ARID1A: variants seen among roughly 807,000 people sequenced by gnomAD.
ARID1A encodes AT-rich interactive domain-containing protein 1A.
Under a neutral mutation model 212.6 loss-of-function variants are expected in ARID1A, and 20 were observed. That is an observed-to-expected ratio of 0.09 (90% CI 0.07 to 0.14). ARID1A has a LOEUF of 0.14. Among genes scored for constraint, ARID1A ranks in the 10% least tolerant of loss-of-function variants. The probability of loss-of-function intolerance (pLI) is 1.00; values close to 1 mark genes in which losing one functional copy is unlikely to be tolerated. For synonymous variants in ARID1A, 1,376 were observed against 1,222.1 expected, an observed-to-expected ratio of 1.13 and a Z score of -2.63; for missense variants, 2,587 against 3,059.0, an observed-to-expected ratio of 0.85 and a Z score of 3.64.
chr1:26,720,654 G>A (rs1472557477), intron 1 of ARID1A, among the ~76,000 whole-genome samples: 2 of 152,098 alleles, frequency 1.3e-5, no homozygotes, highest in Non-Finnish European at 2.9e-5. Flanking sequence ...GAAGCTGGCA[G>A]ATCACTTGAG....
At chr1:26,716,029 AC>A (rs1157812643) in intron 1 of ARID1A, among the ~76,000 whole-genome samples, 4 of 151,770 alleles carry the variant, frequency 2.6e-5, no homozygotes, top group Non-Finnish European at 5.9e-5. Flanking sequence ...ACATGGTGAA[AC>A]CCCATCTCTA....
chr1:26,728,747 C>A (rs1169563922), intron 1 of ARID1A, among the ~76,000 whole-genome samples: 1 of 152,130 alleles, frequency 6.6e-6, no homozygotes, highest in East Asian at 1.9e-4. Context: ...GAGAAACTTC[C>A]CCCTCCCCGC....
In ARID1A at chr1:26,775,026, C is replaced by T. The variant is rs2124122542; in HGVS notation, c.4799C>T (p.Ser1600Phe). ...PLPRPMENRT[S>F]PSKSPFLHSG... ...CCCCGGCCAATGGAGAACCGCACCT[C>T]TCCTAGCAAGTCTCCATTCCTGCAC... The change falls in exon 18 of 20, where the codon TCT becomes TTT. Residue 1600 changes from serine (S) to phenylalanine (F), a missense_variant. Coordinates refer to ENST00000324856, the MANE Select transcript of ARID1A (RefSeq NM_006015.6). 1 of 1,607,590 alleles carries T rather than the reference C, an allele frequency of 6.2e-7. No homozygotes were observed. Among genetic ancestry groups the T allele is most frequent in the Non-Finnish European group, 8.5e-7 (1 of 1,176,770 alleles).
At position 26,696,628 on chromosome 1, in the gene ARID1A, C is replaced by G. The variant is rs1420823262; in HGVS notation, c.225C>G (p.Asp75Glu). Residue 75 changes from aspartate (D) to glutamate (E), a missense_variant, in exon 1 of 20, where the codon GAC (aspartate) becomes GAG (glutamate). Asp to Glu is a conservative substitution (Grantham distance 45). This residue lies in a region of ARID1A where 735 missense variants were observed against 590.6 expected (regional missense o/e 1.24). Transcript: ENST00000324856. ...PPQPLGKELQ[D>E]GAESNGGGGG... ...AGCCGCTGGGAAAGGAGCTGCAGGA[C>G]GGGGCCGAGAGCAATGGGGGTGGCG... 3 of 1,271,272 alleles carry G rather than the reference C, an allele frequency of 2.4e-6. No individual in the cohort carries two copies. Among genetic ancestry groups the G allele is most frequent in the Non-Finnish European group, 3.0e-6 (3 of 1,013,092 alleles). 78.7% of individuals were successfully genotyped at this position (1,271,272 alleles called of 1,614,324 possible). A position where few individuals can be genotyped will look rare whatever the true frequency, so the allele number is the denominator to read the frequency against.
At chr1:26,736,116 A>G (rs946434485) in intron 4 of ARID1A, among the ~76,000 whole-genome samples, 5 of 151,820 alleles carry the variant, frequency 3.3e-5, no homozygotes, top group African/African-American at 1.2e-4. Context: ...CGAGGTCAGG[A>G]GATCGAGACC....
chr1:26,696,090 C>T lies in ARID1A; in HGVS notation c.-314C>T, dbSNP rs1289967975. 2 of 479,030 alleles carry T rather than the reference C, an allele frequency of 4.2e-6. No homozygotes were observed. Among genetic ancestry groups the T allele is most frequent in the Non-Finnish European group, 5.7e-6 (2 of 347,984 alleles). The allele number at this position is 479,030 out of a possible 1,614,324, so 29.7% of individuals were successfully genotyped here. A position where few individuals can be genotyped will look rare whatever the true frequency, so the allele number is the denominator to read the frequency against. On this transcript the variant is annotated 5_prime_UTR_variant, in exon 1 of 20. Transcript: ENST00000324856. The stretch of plus-strand genomic sequence containing the variant: ...GGGGAGCGGAGCCTCCACCGCCCCC[C>T]TCATTCCCAGGCAAGGGCTTGGGGG...
At chr1:26,710,475 C>CAAAAAAT (rs2124762811) in intron 1 of ARID1A, among the ~76,000 whole-genome samples, 1 of 88,282 alleles carries the variant, frequency 1.1e-5, no homozygotes, top group Non-Finnish European at 2.1e-5. Context: ...GATGCCATCT[C>CAAAAAAT]AAAAAATAAA....
At chr1:26,713,023 G>C (rs1329336573) in intron 1 of ARID1A, among the ~76,000 whole-genome samples, 1 of 152,232 alleles carries the variant, frequency 6.6e-6, no homozygotes, top group Non-Finnish European at 1.5e-5. Context: ...AAGCGTAGCT[G>C]TGATCACTGG....
In ARID1A at chr1:26,764,351, C is replaced by CAGAGT. The variant is rs2081020233; in HGVS notation, c.2732+1069_2732+1073dup. ...TATTTTGATGTGCAAAATAAGTGTT[C>CAGAGT]AGAGTAGGTGGTTTAACTTCTATCA... is the stretch of plus-strand genomic sequence containing the variant. On this transcript the variant is annotated intron_variant, in intron 8 of 19. Transcript: ENST00000324856. The CAGAGT allele has an allele frequency of 1.3e-4, 20 of 150,710 alleles. No individual in the cohort carries two copies. In the South Asian group the frequency reaches 4.2e-3, roughly 32 times the overall value. 9.3% of individuals were successfully genotyped at this position (150,710 alleles called of 1,614,324 possible).
At position 26,730,832 on chromosome 1, in the gene ARID1A, C is replaced by T. The variant is rs2080668533; in HGVS notation, c.1351-320C>T. On this transcript the variant is annotated intron_variant, in intron 2 of 19. Coordinates refer to ENST00000324856, the MANE Select transcript of ARID1A (RefSeq NM_006015.6). ...TACAGATTCCTAACACTTATAAAAA[C>T]AGTCTAGGCCGTGATAAAAAGAGTT... 1.3e-5 allele frequency among the ~76,000 whole-genome samples: 2 copies of T among 152,188 alleles called. 1 individual carries two copies. Among genetic ancestry groups the T allele is most frequent in the South Asian group, 4.1e-4 (2 of 4,828 alleles).
chr1:26,770,106 G>C (rs1005613839), intron 11 of ARID1A: 8 of 152,254 alleles, frequency 5.3e-5, no homozygotes, highest in African/African-American at 1.9e-4. Flanking sequence ...CCCACTACTT[G>C]GGAGGCTAAG....
In ARID1A at chr1:26,761,361, ATGT is replaced by A. The variant is rs746124599; in HGVS notation, c.2162-18_2162-16del. 1 of 1,613,266 alleles carries A rather than the reference ATGT, an allele frequency of 6.2e-7. No homozygotes were observed. Among genetic ancestry groups the A allele is most frequent in the Non-Finnish European group, 8.5e-7 (1 of 1,179,240 alleles). ...TCCCAGGCTTAGCCATGATATGCTTATGTTGTTCTTTGTCTGGAGCAGGCAACC... is the reference window on the plus strand; with the variant it reads ...TCCCAGGCTTAGCCATGATATGCTTATGTTCTTTGTCTGGAGCAGGCAACC... On this transcript the variant is annotated intron_variant, in intron 5 of 19. Coordinates refer to ENST00000324856, the MANE Select transcript of ARID1A (RefSeq NM_006015.6).
rs775923229 is a variant in ARID1A, at chr1:26,779,242, G to C, written c.5344G>C (p.Val1782Leu). 3.7e-6 allele frequency: 6 copies of C among 1,614,148 alleles called. No homozygotes were observed. The highest frequency in any genetic ancestry group is 5.1e-6 in the Non-Finnish European group (6 of 1,179,996). The change falls in exon 20 of 20, where the codon GTT becomes CTT. Residue 1782 changes from valine (V) to leucine (L), a missense_variant. Coordinates refer to ENST00000324856, the MANE Select transcript of ARID1A (RefSeq NM_006015.6). ...AGAAGAGGAAGAAGAAGAGGAAGTAGTTGAAAATGATGAGGAGATAGCCTT... is the reference window on the plus strand; with the variant it reads ...AGAAGAGGAAGAAGAAGAGGAAGTACTTGAAAATGATGAGGAGATAGCCTT... ...KLEEEEEEEV[V>L]ENDEEIAFSG...
chr1:26,708,754 G>A (rs1160976142), intron 1 of ARID1A, among the ~76,000 whole-genome samples: 1 of 151,820 alleles, frequency 6.6e-6, no homozygotes, highest in Admixed American at 6.6e-5. Context: ...GAGTGCAGTG[G>A]CGCGATCTTG....
chr1:26,713,174 T>C (rs2080469523), intron 1 of ARID1A, among the ~76,000 whole-genome samples: 1 of 152,220 alleles, frequency 6.6e-6, no homozygotes, highest in Non-Finnish European at 1.5e-5. Context: ...TCTATCACTT[T>C]TAAGCTTTAT....
At chr1:26,722,278 C>T (rs2080572285) in intron 1 of ARID1A, among the ~76,000 whole-genome samples, 1 of 152,172 alleles carries the variant, frequency 6.6e-6, no homozygotes, top group Non-Finnish European at 1.5e-5. Context: ...TAGAGCCTTG[C>T]TCTGTCACCC....
intron 12 of ARID1A, 37 bp from the exon 13 acceptor site, chr1:26,772,463 G>A (rs2124103383): frequency 1.2e-6 from 2 of 1,613,754 alleles, no homozygotes; most frequent in East Asian, 4.5e-5. Flanking sequence ...ACACTGTCAT[G>A]CCAAGCAAAC....
chr1:26,716,935 C>T (rs1319490671), intron 1 of ARID1A, among the ~76,000 whole-genome samples: 2 of 152,124 alleles, frequency 1.3e-5, no homozygotes, highest in African/African-American at 4.8e-5. Context: ...CAGGAAGGCT[C>T]TTCTTTTTGT....
Position 26,779,662 on chromosome 1 carries a change from T to C in ARID1A, c.5764T>C (p.Leu1922=), listed in dbSNP as rs778365812. ...DDMLSTRSST[L]TEDGAKSSEA... ...CATGTTGTCTACTCGGTCTAGCACC[T>C]TGACCGAGGATGGAGCTAAGAGTTC... The change falls in exon 20 of 20, where the codon TTG becomes CTG. Residue 1922 remains leucine, a synonymous_variant. Transcript: ENST00000324856. The C allele has an allele frequency of 5.0e-6, 8 of 1,613,976 alleles. No individual in the cohort carries two copies. Among genetic ancestry groups the C allele is most frequent in the Non-Finnish European group, 6.8e-6 (8 of 1,180,024 alleles).
Sources: allele counts gnomAD v4.1 joint callset (sites outside exome capture counted in the v4.1 genomes callset), GRCh38; gene constraint gnomAD v4.1.1; regional missense constraint gnomAD v4.1.1; transcripts MANE v1.5; gene names NCBI Gene and HGNC (gene_info 2026-07-23, HGNC 2026-07-21).